The following CDH4 variants were observed in gnomAD, a reference collection of about 807,000 sequenced individuals.
The protein encoded by CDH4 is cadherin 4, also known as cadherin-4.
CDH4 carries 33 observed loss-of-function variants against 86.0 expected under a neutral mutation model. The observed-to-expected ratio is 0.38, with a 90% CI of 0.29 to 0.51. The LOEUF is 0.51. Among genes scored for constraint, CDH4 ranks in the 20% least tolerant of loss-of-function variants. The pLI is 0.86. For synonymous variants in CDH4, 555 were observed against 549.4 expected (o/e 1.01, Z -0.14); for missense variants, 1,114 against 1,307.4 (o/e 0.85, Z 2.28).
intron 2 of CDH4, among the ~76,000 whole-genome samples, chr20:61,583,953 G>A (rs2086451480): frequency 6.6e-6 from 1 of 152,198 alleles, no homozygotes; most frequent in Admixed American, 6.5e-5. Context: ...GAGGCCAGGA[G>A]TTTGAGACCA....
chr20:61,858,578 C>T (rs369859759), intron 6 of CDH4, among the ~76,000 whole-genome samples: 3 of 152,190 alleles, frequency 2.0e-5, no homozygotes, highest in South Asian at 2.1e-4. Context: ...TGTCTGTGTG[C>T]CTCCCATCAA....
chr20:61,654,705 C>G (rs758941196), intron 2 of CDH4, among the ~76,000 whole-genome samples: 1 of 152,242 alleles, frequency 6.6e-6, no homozygotes, highest in African/African-American at 2.4e-5. Flanking sequence ...TTAAGTTAAT[C>G]AAAGCAGGAT....
chr20:61,453,343 T>C lies in CDH4; in HGVS notation c.169+198406T>C, dbSNP rs950279328. Among the ~76,000 whole-genome samples the C allele has an allele frequency of 3.3e-5, 5 of 152,296 alleles. No individual in the cohort carries two copies. The South Asian group carries it at 6.2e-4, about 19-fold the overall frequency. On this transcript the variant is annotated intron_variant, in intron 2 of 15. Coordinates refer to ENST00000614565, the MANE Select transcript of CDH4 (RefSeq NM_001794.5). ...TGCACTTTGAAGATGCAAGTTCCTG[T>C]GGGGCGGCCCAGCAGAGACGTCAGG...
chr20:61,863,247 T>A (rs892142099), intron 6 of CDH4, among the ~76,000 whole-genome samples: 1 of 152,170 alleles, frequency 6.6e-6, no homozygotes, highest in African/African-American at 2.4e-5. Flanking sequence ...GTGTCCAGCA[T>A]CTCCCACGTG....
intron 2 of CDH4, among the ~76,000 whole-genome samples, chr20:61,305,507 T>A (rs1175263613): frequency 6.6e-6 from 1 of 152,254 alleles, no homozygotes; most frequent in African/African-American, 2.4e-5. Context: ...TTGAACAGCC[T>A]GAGGTCCTCA....
chr20:61,651,273 G>A (rs1013254703), intron 2 of CDH4, among the ~76,000 whole-genome samples: 3 of 152,242 alleles, frequency 2.0e-5, no homozygotes, highest in African/African-American at 7.2e-5. Context: ...AGTGAGTTCT[G>A]ATTGCAGGGT....
At chr20:61,824,005 A>G (rs1289261510) in intron 4 of CDH4, among the ~76,000 whole-genome samples, 1 of 152,154 alleles carries the variant, frequency 6.6e-6, no homozygotes, top group Non-Finnish European at 1.5e-5. Flanking sequence ...GTCACTAAGG[A>G]CCATTATTTT....
At chr20:61,816,729 C>A (rs964529572) in intron 4 of CDH4, among the ~76,000 whole-genome samples, 2 of 152,100 alleles carry the variant, frequency 1.3e-5, no homozygotes, top group East Asian at 1.9e-4. Context: ...GGGCAGACAC[C>A]CTCACAGGCC....
rs868751911 is a variant in CDH4, at chr20:61,829,212, A to G, written c.577-15456A>G. ...AGCCAATAACGTACTTCCTGTCTCT[A>G]TGGATTTGCCTGTCCTGCATACTTT... On this transcript the variant is annotated intron_variant, in intron 4 of 15. Transcript: ENST00000614565. This position sits in a 1 kb window ranked among gnomAD's most constrained non-coding sequence, Gnocchi z 4.2. Among the ~76,000 whole-genome samples the G allele has an allele frequency of 6.6e-6, 1 of 152,130 alleles. No individual in the cohort carries two copies. Among genetic ancestry groups the G allele is most frequent in the Non-Finnish European group, 1.5e-5 (1 of 68,024 alleles).
At chr20:61,253,695 A>G (rs1430879648) in intron 1 of CDH4, among the ~76,000 whole-genome samples, 3 of 152,134 alleles carry the variant, frequency 2.0e-5, no homozygotes, top group Non-Finnish European at 4.4e-5. Context: ...TTCGTAAGGA[A>G]TGACCCTGCG....
chr20:61,416,766 G>A (rs2085149372), intron 2 of CDH4, among the ~76,000 whole-genome samples: 1 of 152,212 alleles, frequency 6.6e-6, no homozygotes, highest in South Asian at 2.1e-4. Context: ...ATGGCGCTGG[G>A]CGAGTCTCCC....
At position 61,547,498 on chromosome 20, in the gene CDH4, G is replaced by A. The variant is rs548866522; in HGVS notation, c.170-196065G>A. 2.2e-3 allele frequency among the ~76,000 whole-genome samples: 331 copies of A among 149,590 alleles called. 2 individuals carry two copies. Among genetic ancestry groups the A allele is most frequent in the African/African-American group, 7.9e-3 (322 of 40,868 alleles). On this transcript the variant is annotated intron_variant, in intron 2 of 15. Coordinates refer to ENST00000614565, the MANE Select transcript of CDH4 (RefSeq NM_001794.5). ...CAAAGTGCTGGGATTACAGGCATGA[G>A]CCACCGTGCCCAGCCCAGAGTACTT...
intron 2 of CDH4, among the ~76,000 whole-genome samples, chr20:61,391,062 C>A (rs1270889266): frequency 1.3e-5 from 2 of 152,020 alleles, no homozygotes; most frequent in African/African-American, 2.4e-5. Context: ...GCACACTGCT[C>A]CTGTCTGCTT....
At chr20:61,610,124 A>G (rs772188905) in intron 2 of CDH4, among the ~76,000 whole-genome samples, 17 of 151,850 alleles carry the variant, frequency 1.1e-4, no homozygotes, top group Non-Finnish European at 2.1e-4. Flanking sequence ...CCATGAACCG[A>G]CCTCTCTTTA....
intron 7 of CDH4, among the ~76,000 whole-genome samples, chr20:61,880,377 C>A (rs1187940570): frequency 1.3e-5 from 2 of 152,164 alleles, no homozygotes; most frequent in Non-Finnish European, 2.9e-5. Flanking sequence ...GCTATGTTGT[C>A]TTGCAGAAAA....
Position 61,810,254 on chromosome 20 carries a change from GATGTGTGGGTATGGCCAC to G in CDH4, c.577-34408_577-34391del, listed in dbSNP as rs1980364936. On this transcript the variant is annotated intron_variant, in intron 4 of 15. Coordinates refer to ENST00000614565, the MANE Select transcript of CDH4 (RefSeq NM_001794.5). This position sits in a 1 kb window ranked among gnomAD's most constrained non-coding sequence, Gnocchi z 4.3. ...GGGAAAGGCCATGGCCACCCACATG[GATGTGTGGGTATGGCCAC>G]ATGTGGCTATCCACCGGGCCAGTCG... Among the ~76,000 whole-genome samples the G allele has an allele frequency of 6.6e-6, 1 of 152,210 alleles. No homozygotes were observed. Among genetic ancestry groups the G allele is most frequent in the South Asian group, 2.1e-4 (1 of 4,826 alleles).
At chr20:61,355,129 C>T (rs2084741081) in intron 2 of CDH4, among the ~76,000 whole-genome samples, 1 of 152,136 alleles carries the variant, frequency 6.6e-6, no homozygotes, top group Non-Finnish European at 1.5e-5. Flanking sequence ...GAAAAACGCA[C>T]CGTTAAGTCC....
intron 2 of CDH4, among the ~76,000 whole-genome samples, chr20:61,580,548 C>T (rs1428169879): frequency 6.6e-6 from 1 of 152,162 alleles, no homozygotes; most frequent in African/African-American, 2.4e-5. Flanking sequence ...GCATGTAGAC[C>T]TCTCACACCT....
At chr20:61,790,535 C>A (rs1979123775) in intron 4 of CDH4, among the ~76,000 whole-genome samples, 1 of 150,734 alleles carries the variant, frequency 6.6e-6, no homozygotes, top group Non-Finnish European at 1.5e-5. Flanking sequence ...ATTCATCCAT[C>A]CTTCCATCCA....
Sources: allele counts gnomAD v4.1 joint callset (sites outside exome capture counted in the v4.1 genomes callset), GRCh38; gene constraint gnomAD v4.1.1; non-coding constraint Gnocchi (gnomAD v3.1); transcripts MANE v1.5; gene names NCBI Gene and HGNC (gene_info 2026-07-23, HGNC 2026-07-21).